MYO5B: variants seen among roughly 807,000 people sequenced by gnomAD.
MYO5B encodes the protein unconventional myosin-Vb.
MYO5B carries 143 observed loss-of-function variants against 229.3 expected under a neutral mutation model. The observed-to-expected ratio is 0.62, with a 90% confidence interval of 0.54 to 0.72. MYO5B has a LOEUF of 0.72. Among genes scored for constraint, MYO5B ranks in the 30% least tolerant of loss-of-function variants. The pLI, the probability that MYO5B is intolerant of heterozygous loss-of-function variation, is 0.00. For missense variants in MYO5B, 2,321 were observed against 2,331.0 expected (o/e 1.00, Z 0.09); for synonymous variants, 918 against 885.2 (o/e 1.04, Z -0.66).
intron 11 of MYO5B, among the ~76,000 whole-genome samples, 196 bp from the exon 12 acceptor site, chr18:49,962,602 C>T (rs1297558418): frequency 6.6e-6 from 1 of 152,152 alleles, no homozygotes; most frequent in African/African-American, 2.4e-5. Context: ...TGAACACTTC[C>T]TGGGGGCACT....
intron 6 of MYO5B, 43 bp downstream of exon 6, chr18:49,992,245 G>C (rs758592232): frequency 6.2e-7 from 1 of 1,613,648 alleles, no homozygotes; most frequent in Non-Finnish European, 8.5e-7. Flanking sequence ...TAAGGTAATT[G>C]TCCATGAGAA....
intron 29 of MYO5B, among the ~76,000 whole-genome samples, chr18:49,862,893 C>A (rs1468367943): frequency 1.7e-5 from 2 of 117,458 alleles, no homozygotes; most frequent in Non-Finnish European, 3.4e-5. Context: ...CAGTTAGCCA[C>A]CCCCCACCCC....
At chr18:50,172,822 G>A (rs1001998374) in intron 1 of MYO5B, among the ~76,000 whole-genome samples, 1 of 152,178 alleles carries the variant, frequency 6.6e-6, no homozygotes, top group African/African-American at 2.4e-5. Flanking sequence ...AGTAGGTGGT[G>A]GAGAAGCCCT....
chr18:50,160,751 G>A (rs1419792442), intron 1 of MYO5B, among the ~76,000 whole-genome samples: 1 of 152,170 alleles, frequency 6.6e-6, no homozygotes, highest in African/African-American at 2.4e-5. Context: ...CGCTGTGAGA[G>A]TAGACACAAT....
chr18:49,936,151 C>A, intron 16 of MYO5B, 101 bp downstream of exon 16: 1 of 972,530 alleles, frequency 1.0e-6, no homozygotes, highest in East Asian at 2.6e-5. Context: ...AGGTGGTCAT[C>A]ATGCTGAAGG....
intron 1 of MYO5B, among the ~76,000 whole-genome samples, chr18:50,079,262 CT>C (rs2031157839): frequency 6.6e-6 from 1 of 152,222 alleles, no homozygotes; most frequent in African/African-American, 2.4e-5. Flanking sequence ...AATTTTCCGT[CT>C]TGCTTTACAC....
At chr18:50,104,641 G>A (rs2031722357) in intron 1 of MYO5B, among the ~76,000 whole-genome samples, 1 of 152,138 alleles carries the variant, frequency 6.6e-6, no homozygotes, top group South Asian at 2.1e-4. Context: ...CGCAAATAAT[G>A]ACTAATGTAC....
At chr18:50,122,329 T>G (rs1357480192) in intron 1 of MYO5B, among the ~76,000 whole-genome samples, 2 of 148,094 alleles carry the variant, frequency 1.4e-5, no homozygotes, top group Admixed American at 6.9e-5. Flanking sequence ...TGGCCAGGCG[T>G]GGTGGCTCAT....
chr18:49,870,797 G>A (rs1178406947), intron 27 of MYO5B, among the ~76,000 whole-genome samples: 3 of 152,132 alleles, frequency 2.0e-5, no homozygotes, highest in Non-Finnish European at 2.9e-5. Context: ...AAAATACTAC[G>A]TGTTGGCAAG....
At chr18:50,030,876 GAAAAAAAAAAAAAAAAAAAAA>G (rs869189090) in intron 4 of MYO5B, among the ~76,000 whole-genome samples, 20 of 30,484 alleles carry the variant, frequency 6.6e-4, no homozygotes, top group Admixed American at 4.6e-3. Context: ...CTCCCTTTCA[GAAAAAAAAAAAAAAAAAAAAA>G]AAAAAAAAAA....
At chr18:49,930,523 A>G (rs2025177789) in intron 16 of MYO5B, among the ~76,000 whole-genome samples, 1 of 152,198 alleles carries the variant, frequency 6.6e-6, no homozygotes, top group East Asian at 1.9e-4. Context: ...ACAAGACAGT[A>G]CATAACAAAC....
At chr18:49,995,914 T>C (rs1049985761) in intron 5 of MYO5B, among the ~76,000 whole-genome samples, 1 of 152,180 alleles carries the variant, frequency 6.6e-6, no homozygotes, top group African/African-American at 2.4e-5. Flanking sequence ...TAAAGCAGCC[T>C]CTAAATTTTA....
chr18:49,911,994 C>A (rs182680759), intron 18 of MYO5B, 68 bp downstream of exon 18: 1 of 1,197,562 alleles, frequency 8.4e-7, no homozygotes, highest in Admixed American at 1.7e-5. Flanking sequence ...ATGTAGATAA[C>A]GACGCCACCC....
intron 4 of MYO5B, among the ~76,000 whole-genome samples, chr18:50,029,903 C>T (rs1230389768): frequency 6.6e-6 from 1 of 152,192 alleles, no homozygotes; most frequent in South Asian, 2.1e-4. Context: ...TCAGCATGAC[C>T]ACATTCTCTC....
chr18:50,122,624 GA>G (rs1451911106), intron 1 of MYO5B, among the ~76,000 whole-genome samples: 10 of 14,064 alleles, frequency 7.1e-4, no homozygotes, highest in African/African-American at 1.5e-3. Flanking sequence ...GGGAGGGAGG[GA>G]AGGGGGGGGG....
chr18:49,871,793 C>G (rs931606395), intron 27 of MYO5B: 11 of 319,444 alleles, frequency 3.4e-5, no homozygotes, highest in Non-Finnish European at 6.1e-5. Context: ...TCCTCCCTGC[C>G]ATGGGACCCA....
intron 1 of MYO5B, among the ~76,000 whole-genome samples, chr18:50,058,291 C>T (rs1598988267): frequency 6.6e-6 from 1 of 151,936 alleles, no homozygotes; most frequent in African/African-American, 2.4e-5. Context: ...TATAGCAAGA[C>T]CCTGTCTCTA....
At chr18:50,016,839 G>A (rs1444963979) in intron 4 of MYO5B, among the ~76,000 whole-genome samples, 3 of 107,740 alleles carry the variant, frequency 2.8e-5, no homozygotes, top group African/African-American at 7.5e-5. Flanking sequence ...ACCAACCCCC[G>A]ACCCCCAGCT....
At chr18:50,017,143 G>T (rs931007141) in intron 4 of MYO5B, among the ~76,000 whole-genome samples, 1 of 151,702 alleles carries the variant, frequency 6.6e-6, no homozygotes, top group African/African-American at 2.4e-5. Context: ...TTTGAGACAG[G>T]GTCTCACTCT....
Sources: allele counts gnomAD v4.1 joint callset (sites outside exome capture counted in the v4.1 genomes callset), GRCh38; gene constraint gnomAD v4.1.1; transcripts MANE v1.5; gene names NCBI Gene and HGNC (gene_info 2026-07-23, HGNC 2026-07-21).